CNOT6L: variants seen among roughly 807,000 people sequenced by gnomAD.
CNOT6L encodes the protein CCR4-NOT transcription complex subunit 6 like.
In CNOT6L, 7 loss-of-function variants were observed where a neutral mutation model predicts 64.0. The observed-to-expected ratio is 0.11, with a 90% confidence interval of 0.06 to 0.21. The LOEUF (loss-of-function observed/expected upper bound fraction) is 0.21, where lower values mean the gene tolerates loss of function less well. Ranked by LOEUF, CNOT6L falls within the 10% of genes least tolerant of loss-of-function variation. The probability of loss-of-function intolerance (pLI) is 1.00; values close to 1 mark genes in which losing one functional copy is unlikely to be tolerated. For synonymous variants in CNOT6L, 193 were observed against 243.4 expected, an observed-to-expected ratio of 0.79 and a Z score of 1.93; for missense variants, 245 against 669.0, an observed-to-expected ratio of 0.37 and a Z score of 6.99.
chr4:77,754,793 A>G (rs13132986), intron 5 of CNOT6L, among the ~76,000 whole-genome samples: 1 of 150,870 alleles, frequency 6.6e-6, no homozygotes, highest in Non-Finnish European at 1.5e-5. Context: ...ACATTAAAAA[A>G]CAATAGTGAA....
chr4:77,812,792 G>A (rs1733106181), intron 1 of CNOT6L, among the ~76,000 whole-genome samples: 1 of 152,152 alleles, frequency 6.6e-6, no homozygotes. Flanking sequence ...CAAAATTCCA[G>A]CTGACTTCTT....
intron 1 of CNOT6L, among the ~76,000 whole-genome samples, chr4:77,803,919 A>G (rs1431399430): frequency 6.6e-6 from 1 of 152,048 alleles, no homozygotes; most frequent in African/African-American, 2.4e-5. Flanking sequence ...AAAAGAAAAA[A>G]GCGTGAGGTG....
chr4:77,769,267 T>C (rs552322204), intron 4 of CNOT6L, among the ~76,000 whole-genome samples: 1 of 152,258 alleles, frequency 6.6e-6, no homozygotes, highest in Admixed American at 6.5e-5. Flanking sequence ...TAGTAACATC[T>C]GGGAGAAAGA....
Position 77,716,731 on chromosome 4 carries a change from C to A in CNOT6L, c.*3700G>T, listed in dbSNP as rs1349056726. On this transcript the variant is annotated 3_prime_UTR_variant, in exon 12 of 12. Transcript: ENST00000504123. ...TGATTTAATATATAACTTTAAGACACCAAAAAAATAGGGGCAAATAAGAAA... is the reference window on the plus strand; with the variant it reads ...TGATTTAATATATAACTTTAAGACAACAAAAAAATAGGGGCAAATAAGAAA... The A allele has an allele frequency of 6.6e-6, 1 of 152,332 alleles. No homozygotes were observed. Among genetic ancestry groups the A allele is most frequent in the African/African-American group, 2.4e-5 (1 of 41,370 alleles). 9.4% of individuals were successfully genotyped at this position (152,332 alleles called of 1,614,324 possible).
chr4:77,771,609 T>C (rs1030328784), intron 4 of CNOT6L, among the ~76,000 whole-genome samples: 1 of 152,196 alleles, frequency 6.6e-6, no homozygotes, highest in Non-Finnish European at 1.5e-5. Context: ...AAAAAATCAA[T>C]AAAATCCTAC....
intron 1 of CNOT6L, among the ~76,000 whole-genome samples, chr4:77,800,009 A>C (rs760237269): frequency 6.6e-6 from 1 of 152,088 alleles, no homozygotes; most frequent in Admixed American, 6.5e-5. Flanking sequence ...CACAAATTTA[A>C]TATCTGTTTA....
rs1193284066 is a variant in CNOT6L, at chr4:77,768,474, A to AATATATATATAT, written c.400+4595_400+4606dup. ...AGTGAGACTCTGTCTAAAATAAATAAATATATATATATATATATATATATA... is the reference window on the plus strand; with the variant it reads ...AGTGAGACTCTGTCTAAAATAAATAAATATATATATATATATATATATATATATATATATATA... On this transcript the variant is annotated intron_variant, in intron 4 of 11. Transcript: ENST00000504123. 7.2e-3 allele frequency among the ~76,000 whole-genome samples: 93 copies of AATATATATATAT among 12,892 alleles called. 1 individual carries two copies. The highest frequency in any genetic ancestry group is 0.026 in the East Asian group (8 of 308). 8.5% of individuals were successfully genotyped at this position (12,892 alleles called of 152,430 possible).
chr4:77,752,079 TAGG>T (rs1724924071), intron 5 of CNOT6L, among the ~76,000 whole-genome samples: 1 of 152,032 alleles, frequency 6.6e-6, no homozygotes. Context: ...GAGGCTAAGA[TAGG>T]AGGATCACTT....
chr4:77,807,251 A>G (rs887838970), intron 1 of CNOT6L, among the ~76,000 whole-genome samples: 2 of 139,986 alleles, frequency 1.4e-5, no homozygotes, highest in Admixed American at 7.8e-5. Flanking sequence ...GCATTCCAGC[A>G]TGGCGACAGA....
At position 77,727,690 on chromosome 4, in the gene CNOT6L, T is replaced by C. The variant is rs554292956; in HGVS notation, c.1252+1164A>G. Among the ~76,000 whole-genome samples, 295 of 152,096 alleles carry C rather than the reference T, an allele frequency of 1.9e-3. 1 individual carries two copies. Among genetic ancestry groups the C allele is most frequent in the African/African-American group, 6.8e-3 (283 of 41,496 alleles). On this transcript the variant is annotated intron_variant, in intron 10 of 11. Transcript: ENST00000504123. ...GTCTGGTACCAAAGTCATTTCACTA[T>C]GTTGTGTTGCCAAATGACAACTAAC...
intron 8 of CNOT6L, among the ~76,000 whole-genome samples, chr4:77,733,807 A>T (rs1224324212): frequency 3.3e-5 from 5 of 152,076 alleles, no homozygotes; most frequent in Non-Finnish European, 7.4e-5. Context: ...TTTCTCTTCC[A>T]AATGACACCA....
rs150968707 is a variant in CNOT6L, at chr4:77,720,765, G to C, written c.1456-122C>G. 8.0e-6 allele frequency: 7 copies of C among 870,468 alleles called. No individual in the cohort carries two copies. In the East Asian group the frequency reaches 1.1e-4, roughly 13 times the overall value. 53.9% of individuals were successfully genotyped at this position (870,468 alleles called of 1,614,324 possible). A position where few individuals can be genotyped will look rare whatever the true frequency, so the allele number is the denominator to read the frequency against. On this transcript the variant is annotated intron_variant, in intron 11 of 11. Coordinates refer to ENST00000504123, the MANE Select transcript of CNOT6L (RefSeq NM_144571.3). ...TCTGGTACCTGTTGTCTTGATAGTG[G>C]GTCAAATAAGGCTCAAATATTCAAT...
Position 77,715,465 on chromosome 4 carries a change from G to A in CNOT6L, c.*4966C>T, listed in dbSNP as rs1044783177. The A allele has an allele frequency of 7.2e-5, 11 of 151,968 alleles. No homozygotes were observed. The highest frequency in any genetic ancestry group is 2.4e-4 in the African/African-American group (10 of 41,372). The allele number at this position is 151,968 out of a possible 1,614,324, so 9.4% of individuals were successfully genotyped here. A position where few individuals can be genotyped will look rare whatever the true frequency, so the allele number is the denominator to read the frequency against. On this transcript the variant is annotated 3_prime_UTR_variant, in exon 12 of 12. Transcript: ENST00000504123. ...TACTTCAATGTCATGTCTGTTGAAC[G>A]AAGAACTCAACATGCTTATTTTCCT...
At chr4:77,760,274 G>C (rs1470997223) in intron 4 of CNOT6L, among the ~76,000 whole-genome samples, 1 of 152,004 alleles carries the variant, frequency 6.6e-6, no homozygotes. Flanking sequence ...TACTCACGAG[G>C]CTGAACAGGA....
chr4:77,721,381 C>T (rs993826605), intron 11 of CNOT6L, among the ~76,000 whole-genome samples: 12 of 151,950 alleles, frequency 7.9e-5, no homozygotes, highest in South Asian at 2.1e-4. Context: ...TTTTATTATC[C>T]CAGGTTGTGT....
intron 8 of CNOT6L, among the ~76,000 whole-genome samples, chr4:77,735,032 G>A (rs1251758327): frequency 3.3e-5 from 5 of 152,140 alleles, no homozygotes; most frequent in Non-Finnish European, 5.9e-5. Flanking sequence ...TTCCTCATCA[G>A]GGATTGCTTC....
intron 4 of CNOT6L, among the ~76,000 whole-genome samples, chr4:77,769,803 G>A (rs1005060499): frequency 6.6e-6 from 1 of 152,108 alleles, no homozygotes; most frequent in African/African-American, 2.4e-5. Context: ...AACAGACCAA[G>A]TAATCCTTGG....
intron 1 of CNOT6L, among the ~76,000 whole-genome samples, chr4:77,779,840 T>C (rs1195923087): frequency 1.3e-5 from 2 of 152,078 alleles, no homozygotes; most frequent in Admixed American, 1.3e-4. Flanking sequence ...CGCGGGCGCC[T>C]GTAGTCCCAG....
At chr4:77,802,544 T>A (rs1731712238) in intron 1 of CNOT6L, among the ~76,000 whole-genome samples, 1 of 152,220 alleles carries the variant, frequency 6.6e-6, no homozygotes, top group Admixed American at 6.5e-5. Context: ...AGGGCAACAT[T>A]ATTTCTTGAA....
Sources: gnomAD v4.1 joint callset for allele counts (sites outside exome capture counted in the v4.1 genomes callset) on GRCh38, gnomAD v4.1.1 for gene constraint, MANE v1.5 for transcripts, NCBI Gene and HGNC (gene_info 2026-07-23, HGNC 2026-07-21) for gene names.